Variants in LEPR observed in about 807,000 individuals in gnomAD.
LEPR encodes OB receptor.
LEPR carries 56 observed loss-of-function variants against 114.7 expected under a neutral mutation model. The ratio of observed to expected loss-of-function variants is 0.49; its 90% confidence interval spans 0.39 to 0.61. The LOEUF (loss-of-function observed/expected upper bound fraction) is 0.61. LEPR is among the 20% of genes least tolerant of loss of function. The pLI is 0.00. For missense variants in LEPR, 1,202 were observed against 1,352.9 expected (o/e 0.89, Z 1.75); for synonymous variants, 443 against 461.4 (o/e 0.96, Z 0.51).
rs184512204 is a variant in LEPR, at chr1:65,576,871, T to C, written c.494+4422T>C. The C allele has an allele frequency of 1.0e-3, 330 of 327,488 alleles. 2 individuals are homozygous for C. The highest frequency in any genetic ancestry group is 1.7e-3 in the Non-Finnish European group (279 of 166,242). 20.3% of individuals were successfully genotyped at this position (327,488 alleles called of 1,614,324 possible). On this transcript the variant is annotated intron_variant, in intron 5 of 19. Coordinates refer to ENST00000349533, the MANE Select transcript of LEPR (RefSeq NM_002303.6). Reference sequence around the variant, plus strand: ...CCTCCACACACCCAGATCTGAAATGTTATTTCCAAGTTTTCTCCTCTCCAG... The same window carrying C: ...CCTCCACACACCCAGATCTGAAATGCTATTTCCAAGTTTTCTCCTCTCCAG...
chr1:65,592,974 T>A (rs1655811006), intron 6 of LEPR, 109 bp downstream of exon 6: 2 of 1,229,786 alleles, frequency 1.6e-6, no homozygotes, highest in African/African-American at 3.0e-5. Flanking sequence ...TGCTTAACAC[T>A]GTAATGATGG....
chr1:65,586,558 A>C (rs557800101), intron 5 of LEPR, among the ~76,000 whole-genome samples: 3 of 152,176 alleles, frequency 2.0e-5, no homozygotes, highest in Admixed American at 2.0e-4. Context: ...ATGTAAATTG[A>C]ATTAATGTTA....
intron 2 of LEPR, among the ~76,000 whole-genome samples, chr1:65,483,771 CTTCA>C (rs1434228410): frequency 6.6e-6 from 1 of 152,138 alleles, no homozygotes; most frequent in Non-Finnish European, 1.5e-5. Context: ...GGCTCTGTCT[CTTCA>C]TTCATTCTAG....
chr1:65,580,141 T>C (rs1169429402), intron 5 of LEPR, among the ~76,000 whole-genome samples: 1 of 152,236 alleles, frequency 6.6e-6, no homozygotes, highest in East Asian at 1.9e-4. Flanking sequence ...GTTAATATGT[T>C]CATTGCACCA....
At chr1:65,579,770 T>C (rs1009269614) in intron 5 of LEPR, among the ~76,000 whole-genome samples, 7 of 152,182 alleles carry the variant, frequency 4.6e-5, no homozygotes, top group Non-Finnish European at 1.0e-4. Context: ...TATATTATAA[T>C]TATGATGAGG....
intron 2 of LEPR, among the ~76,000 whole-genome samples, chr1:65,488,282 C>T (rs1647676900): frequency 7.3e-6 from 1 of 137,112 alleles, no homozygotes; most frequent in Non-Finnish European, 1.6e-5. Context: ...CTCTTTCTTT[C>T]CCTCCCTCTC....
At chr1:65,434,455 G>A (rs375424495) in intron 2 of LEPR, 2 of 985,354 alleles carry the variant, frequency 2.0e-6, no homozygotes, top group African/African-American at 3.5e-5. Context: ...TTTCAAACAA[G>A]TGGGTTACAA....
chr1:65,588,937 G>C (rs1292377898), intron 5 of LEPR, among the ~76,000 whole-genome samples: 1 of 152,070 alleles, frequency 6.6e-6, no homozygotes, highest in Non-Finnish European at 1.5e-5. Flanking sequence ...AAATGCCTGG[G>C]CATGGAATGG....
At chr1:65,552,003 C>T (rs1782759) in intron 2 of LEPR, among the ~76,000 whole-genome samples, 101,603 of 152,104 alleles carry the variant, frequency 0.67, 35,260 homozygotes, top group African/African-American at 0.78. Flanking sequence ...AGTTTCCATG[C>T]AGTTGTGCAG....
chr1:65,520,077 A>G (rs752290518), intron 2 of LEPR, among the ~76,000 whole-genome samples: 10 of 152,148 alleles, frequency 6.6e-5, no homozygotes, highest in East Asian at 5.8e-4. Context: ...GTTAGCCAGA[A>G]TGGTCTCGAT....
intron 2 of LEPR, among the ~76,000 whole-genome samples, chr1:65,540,243 A>G (rs1557648810): frequency 6.6e-6 from 1 of 152,080 alleles, no homozygotes; most frequent in Non-Finnish European, 1.5e-5. Flanking sequence ...CAAATATCCT[A>G]TGTAGTTACT....
At chr1:65,453,439 G>T (rs370207269) in intron 2 of LEPR, among the ~76,000 whole-genome samples, 1 of 151,536 alleles carries the variant, frequency 6.6e-6, no homozygotes, top group South Asian at 2.1e-4. Flanking sequence ...TTCCCTCGAC[G>T]CACTGCTTTG....
At chr1:65,538,546 T>C (rs144496941) in intron 2 of LEPR, among the ~76,000 whole-genome samples, 301 of 152,316 alleles carry the variant, frequency 2.0e-3, no homozygotes, top group African/African-American at 7.0e-3. Flanking sequence ...AGCCATTACA[T>C]TACTAAAAGT....
intron 5 of LEPR, among the ~76,000 whole-genome samples, chr1:65,582,896 T>C (rs527612563): frequency 6.6e-6 from 1 of 152,290 alleles, no homozygotes; most frequent in East Asian, 1.9e-4. Context: ...TTTCACTACT[T>C]CTTTTAAAGA....
At chr1:65,496,463 G>T (rs539500969) in intron 2 of LEPR, among the ~76,000 whole-genome samples, 1 of 152,212 alleles carries the variant, frequency 6.6e-6, no homozygotes, top group South Asian at 2.1e-4. Context: ...TGTAGTCCCT[G>T]CCAGTTGGGA....
chr1:65,526,600 A>G (rs1649987849), intron 2 of LEPR, among the ~76,000 whole-genome samples: 1 of 152,196 alleles, frequency 6.6e-6, no homozygotes, highest in Non-Finnish European at 1.5e-5. Context: ...GTAAGTATTA[A>G]AGTATATTGA....
At chr1:65,428,174 T>C (rs1378249371) in intron 2 of LEPR, among the ~76,000 whole-genome samples, 1 of 152,202 alleles carries the variant, frequency 6.6e-6, no homozygotes, top group Non-Finnish European at 1.5e-5. Flanking sequence ...GGCCTATGTA[T>C]TTATTGAATT....
At chr1:65,603,919 A>G (rs377124358) in intron 10 of LEPR, among the ~76,000 whole-genome samples, 1 of 152,072 alleles carries the variant, frequency 6.6e-6, no homozygotes, top group African/African-American at 2.4e-5. Flanking sequence ...ATTCACATAC[A>G]TATCTGAAAT....
rs1658772185 is a variant in LEPR, at chr1:65,638,152, C to G, written c.*1137C>G. The G allele has an allele frequency of 6.6e-6, 1 of 152,086 alleles. No individual in the cohort carries two copies. Among genetic ancestry groups the G allele is most frequent in the African/African-American group, 2.4e-5 (1 of 41,390 alleles). The allele number at this position is 152,086 out of a possible 1,614,324, so 9.4% of individuals were successfully genotyped here. On this transcript the variant is annotated 3_prime_UTR_variant, in exon 20 of 20. Transcript: ENST00000349533. ...TCGCTTGAGCTCAGAAGTCTTGAAA[C>G]TAGCCGGGGCAACATAGTGAGGCCT...
Sources: gnomAD v4.1 joint callset for allele counts (sites outside exome capture counted in the v4.1 genomes callset) on GRCh38, gnomAD v4.1.1 for gene constraint, MANE v1.5 for transcripts, NCBI Gene and HGNC (gene_info 2026-07-23, HGNC 2026-07-21) for gene names.